STAT3: variants seen among roughly 807,000 people sequenced by gnomAD.
STAT3 encodes DNA-binding protein APRF.
Under a neutral mutation model 114.3 loss-of-function variants are expected in STAT3, and 7 were observed. The ratio of observed to expected loss-of-function variants is 0.06; its 90% CI spans 0.03 to 0.11. The LOEUF (loss-of-function observed/expected upper bound fraction) is 0.11, where lower values mean the gene tolerates loss of function less well. Among genes scored for constraint, STAT3 ranks in the 10% least tolerant of loss-of-function variants. The pLI is 1.00. For synonymous variants in STAT3, 331 were observed against 354.5 expected, an observed-to-expected ratio of 0.93 and a Z score of 0.74; for missense variants, 364 against 960.9, an observed-to-expected ratio of 0.38 and a Z score of 8.21.
chr17:42,367,320 C>T (rs17884307), intron 1 of STAT3, among the ~76,000 whole-genome samples: 8,243 of 149,100 alleles, frequency 0.055, 312 homozygotes, highest in Non-Finnish European at 0.074. Flanking sequence ...GCCTCGGCAA[C>T]AGAGCAAGAT....
chr17:42,347,862 A>C (rs2082767961), intron 2 of STAT3, among the ~76,000 whole-genome samples: 1 of 152,198 alleles, frequency 6.6e-6, no homozygotes, highest in East Asian at 1.9e-4. Flanking sequence ...AGGCCTCCCC[A>C]GCAGCAGATG....
chr17:42,371,429 G>C (rs2084126451), intron 1 of STAT3, among the ~76,000 whole-genome samples: 1 of 151,752 alleles, frequency 6.6e-6, no homozygotes, highest in Non-Finnish European at 1.5e-5. Flanking sequence ...TCAGCACTTT[G>C]GGAGGCTGAG....
chr17:42,369,714 G>A (rs1057064401), intron 1 of STAT3, among the ~76,000 whole-genome samples: 1 of 152,084 alleles, frequency 6.6e-6, no homozygotes. Flanking sequence ...GCAGTGGCAG[G>A]ATCATAGCTC....
At chr17:42,334,082 A>G (rs375124404) in intron 8 of STAT3, 33 bp from the exon 9 acceptor site, 3 of 1,613,122 alleles carry the variant, frequency 1.9e-6, no homozygotes, top group Non-Finnish European at 1.7e-6. Flanking sequence ...GCTAATTACC[A>G]AAGTGAATGT....
intron 1 of STAT3, among the ~76,000 whole-genome samples, chr17:42,350,579 G>A (rs2082899329): frequency 6.6e-6 from 1 of 152,044 alleles, no homozygotes; most frequent in African/African-American, 2.4e-5. Context: ...AAGCTACCAC[G>A]CCTGGCCTGG....
chr17:42,326,278 C>T, intron 14 of STAT3, 79 bp from the exon 15 acceptor site: 1 of 1,333,404 alleles, frequency 7.5e-7, no homozygotes, highest in Non-Finnish European at 1.1e-6. Flanking sequence ...GAGGCCAAGG[C>T]AGGAGGATTG....
At position 42,317,196 on chromosome 17, in the gene STAT3, A is replaced by G; in HGVS notation, c.2130T>C (p.Phe710=). 6.2e-7 allele frequency: 1 copy of G among 1,614,032 alleles called. No individual in the cohort carries two copies. Among genetic ancestry groups the G allele is most frequent in the Non-Finnish European group, 8.5e-7 (1 of 1,179,946 alleles). Residue 710 remains phenylalanine, a synonymous_variant, in exon 22 of 24, where the codon TTT becomes TTC. Coordinates refer to ENST00000264657, the MANE Select transcript of STAT3 (RefSeq NM_139276.3). ...AAGCCACTTACGGTGTCACACAGAT[A>G]AACTTGGTCTTCAGGTATGGGGCAG... ...GSAAPYLKTK[F]ICVTPTTCSN... is the part of the protein sequence containing the mutation.
At chr17:42,375,110 A>T (rs1298775125) in intron 1 of STAT3, among the ~76,000 whole-genome samples, 1 of 152,206 alleles carries the variant, frequency 6.6e-6, no homozygotes, top group Non-Finnish European at 1.5e-5. Context: ...ACTTCATAAA[A>T]TATCCTTAAT....
At chr17:42,360,035 G>A (rs1009291402) in intron 1 of STAT3, among the ~76,000 whole-genome samples, 1 of 147,678 alleles carries the variant, frequency 6.8e-6, no homozygotes, top group Non-Finnish European at 1.5e-5. Flanking sequence ...ACTCCAGCCT[G>A]GGCGGCAGAG....
rs1021492535 is a variant in STAT3, at chr17:42,324,939, C to T, written c.1464+24G>A. ...TAAGTCGCAAGAGATCCCGGGGCAC[C>T]AACTAAAAGGAGGGGGCACTAACCT... On this transcript the variant is annotated intron_variant, in intron 16 of 23. Transcript: ENST00000264657. This position sits in a 1 kb window ranked among gnomAD's most constrained non-coding sequence, Gnocchi z 4.5. 1.5e-5 allele frequency: 24 copies of T among 1,613,948 alleles called. No individual in the cohort carries two copies. In the Admixed American group the frequency reaches 2.7e-4, roughly 18 times the overall value.
chr17:42,381,318 G>C (rs1316471960), intron 1 of STAT3, among the ~76,000 whole-genome samples: 3 of 152,202 alleles, frequency 2.0e-5, no homozygotes, highest in Non-Finnish European at 2.9e-5. Context: ...TGATGAGCAA[G>C]GTCATTTATT....
intron 1 of STAT3, among the ~76,000 whole-genome samples, chr17:42,350,362 A>G (rs1279629313): frequency 2.6e-5 from 4 of 152,122 alleles, no homozygotes; most frequent in Non-Finnish European, 5.9e-5. Context: ...AACTCCTGCA[A>G]CCTCTAACTC....
rs2081576332 is a variant in STAT3 at position 42,323,608 on chromosome 17, A to G, written c.1618T>C (p.Ser540Pro). ...TTAGCCCATGTGATCTGACACCCTG[A>G]ATAATTCACACCAGGTCCTGAAGGA... ...EKLLGPGVNY[S>P]GCQITWAKFC... Residue 540 changes from serine (S) to proline (P), a missense_variant, in exon 18 of 24, where the codon TCA (serine) becomes CCA (proline). Physicochemically the swap from Ser to Pro is moderately conservative, Grantham distance 74 (BLOSUM62 -1). Around this residue, in one of 5 missense-constraint regions of STAT3, gnomAD observed 294 missense variants for 745.1 expected, o/e 0.39. Transcript: ENST00000264657. 1 of 1,607,602 alleles carries G rather than the reference A, an allele frequency of 6.2e-7. No homozygotes were observed. Among genetic ancestry groups the G allele is most frequent in the African/African-American group, 1.4e-5 (1 of 69,652 alleles).
chr17:42,348,012 G>C (rs1439618759), intron 2 of STAT3, among the ~76,000 whole-genome samples: 1 of 152,136 alleles, frequency 6.6e-6, no homozygotes, highest in Non-Finnish European at 1.5e-5. Flanking sequence ...TTTAACTAAA[G>C]GGGAATTACA....
chr17:42,333,947 C>G lies in STAT3; in HGVS notation c.900G>C (p.Gln300His), dbSNP rs1372134244. ...KVSYKGDPIV[Q>H]HRPMLEERIV... ...TTCTCTCCTCCAGCATCGGCCGGTG[C>G]TGTACAATGGGGTCCCCTTTGTAGG... The change falls in exon 9 of 24, where the codon CAG (glutamine) becomes CAC (histidine). Residue 300 changes from glutamine (Q) to histidine (H), a missense_variant. Coordinates refer to ENST00000264657, the MANE Select transcript of STAT3 (RefSeq NM_139276.3). The surrounding 1 kb of genome is among the most constrained non-coding windows in gnomAD (Gnocchi z 5.2). 1 of 1,614,210 alleles carries G rather than the reference C, an allele frequency of 6.2e-7. No individual in the cohort carries two copies. The highest frequency in any genetic ancestry group is 1.1e-5 in the South Asian group (1 of 91,084).
intron 1 of STAT3, among the ~76,000 whole-genome samples, chr17:42,373,746 A>C (rs1386467691): frequency 6.6e-6 from 1 of 151,654 alleles, no homozygotes; most frequent in East Asian, 1.9e-4. Flanking sequence ...TTAGCCGGGC[A>C]TCGTGGCGGG....
At chr17:42,315,940 G>A in intron 23 of STAT3, 140 bp from the exon 24 acceptor site, 10 of 1,550,082 alleles carry the variant, frequency 6.5e-6, no homozygotes, top group Non-Finnish European at 7.8e-6. Flanking sequence ...GGGATGGTCA[G>A]AAAAGCCAGA....
chr17:42,361,567 C>T (rs1439857776), intron 1 of STAT3, among the ~76,000 whole-genome samples: 1 of 151,792 alleles, frequency 6.6e-6, no homozygotes, highest in Non-Finnish European at 1.5e-5. Flanking sequence ...ATAAATATAA[C>T]GAGAACCTCG....
intron 1 of STAT3, among the ~76,000 whole-genome samples, chr17:42,381,861 T>C (rs990714790): frequency 1.3e-5 from 2 of 152,132 alleles, no homozygotes; most frequent in Non-Finnish European, 2.9e-5. Context: ...ACATTTTATA[T>C]TCCTACAAGT....
Sources: allele counts gnomAD v4.1 joint callset (sites outside exome capture counted in the v4.1 genomes callset), GRCh38; gene constraint gnomAD v4.1.1; regional missense constraint gnomAD v4.1.1; non-coding constraint Gnocchi (gnomAD v3.1); transcripts MANE v1.5; gene names NCBI Gene and HGNC (gene_info 2026-07-23, HGNC 2026-07-21).